CDH10: variants seen among roughly 807,000 people sequenced by gnomAD.
CDH10 encodes cadherin-10.
In CDH10, 30 loss-of-function variants were observed where a neutral mutation model predicts 73.1. The observed-to-expected ratio is 0.41, with a 90% confidence interval of 0.31 to 0.56. CDH10 has a LOEUF of 0.56. Among genes scored for constraint, CDH10 ranks in the 20% least tolerant of loss-of-function variants. The pLI is 0.27. For missense variants in CDH10, 815 were observed against 973.7 expected, an observed-to-expected ratio of 0.84 and a Z score of 2.17; for synonymous variants, 345 against 348.2, an observed-to-expected ratio of 0.99 and a Z score of 0.10.
rs2111763196 is a variant in CDH10, at chr5:24,511,323, G to C, written c.1002+4C>G. The C allele has an allele frequency of 2.5e-6, 4 of 1,586,908 alleles. No individual in the cohort carries two copies. Among genetic ancestry groups the C allele is most frequent in the Non-Finnish European group, 3.5e-6 (4 of 1,156,420 alleles). ...AGATGCTTATTTATATGGATGCTGT[G>C]CACCTTTTTCACAGTGATGATGCCT... is the stretch of plus-strand genomic sequence containing the variant. On this transcript the variant is annotated splice_donor_region_variant and intron_variant, in intron 6 of 11. Coordinates refer to ENST00000264463, the MANE Select transcript of CDH10 (RefSeq NM_006727.5).
intron 1 of CDH10, among the ~76,000 whole-genome samples, chr5:24,617,592 G>A (rs1410400327): frequency 1.3e-5 from 2 of 152,136 alleles, no homozygotes; most frequent in South Asian, 4.1e-4. Flanking sequence ...TTTTTAAAAA[G>A]CTCTAAGAAA....
At position 24,565,966 on chromosome 5, in the gene CDH10, C is replaced by T. The variant is rs186408050; in HGVS notation, c.231+27294G>A. ...CTCAATCTATGGGATTTTGTTATGG[C>T]AGCCCAAGCAGACTAATACAAAGTA... On this transcript the variant is annotated intron_variant, in intron 2 of 11. Transcript: ENST00000264463. Among the ~76,000 whole-genome samples the T allele has an allele frequency of 2.6e-5, 4 of 152,252 alleles. No homozygotes were observed. The East Asian group carries it at 7.7e-4, about 29-fold the overall frequency.
At chr5:24,581,668 C>T (rs745995092) in intron 2 of CDH10, among the ~76,000 whole-genome samples, 3 of 152,084 alleles carry the variant, frequency 2.0e-5, no homozygotes, top group Non-Finnish European at 4.4e-5. Flanking sequence ...AAACAATAGA[C>T]ATCCTGAAGA....
At chr5:24,578,246 TG>T in intron 2 of CDH10, 1 of 193,018 alleles carries the variant, frequency 5.2e-6, no homozygotes. Context: ...TTGCCTAAGT[TG>T]GGTAACATGG....
At chr5:24,502,427 C>T (rs1028585957) in intron 8 of CDH10, among the ~76,000 whole-genome samples, 11 of 152,056 alleles carry the variant, frequency 7.2e-5, no homozygotes, top group African/African-American at 2.2e-4. Context: ...CTGCTCAGGG[C>T]GTGATGTATG....
At chr5:24,620,823 A>C (rs1249793761) in intron 1 of CDH10, among the ~76,000 whole-genome samples, 2 of 152,160 alleles carry the variant, frequency 1.3e-5, no homozygotes, top group Non-Finnish European at 2.9e-5. Flanking sequence ...TTGACAGAAG[A>C]GGCACAAACA....
At chr5:24,610,380 A>G (rs926784576) in intron 1 of CDH10, among the ~76,000 whole-genome samples, 1 of 152,206 alleles carries the variant, frequency 6.6e-6, no homozygotes, top group African/African-American at 2.4e-5. Context: ...GAGTACATTT[A>G]AAAATTGTAT....
chr5:24,497,568 C>A lies in CDH10; in HGVS notation c.1515+830G>T, dbSNP rs969841839. On this transcript the variant is annotated intron_variant, in intron 9 of 11. Coordinates refer to ENST00000264463, the MANE Select transcript of CDH10 (RefSeq NM_006727.5). ...TCAAAAGGAAGAATTTGAATTATTC[C>A]ACAATATAATTTGCATAAAAATGTA... is the stretch of plus-strand genomic sequence containing the variant. 2.6e-5 allele frequency among the ~76,000 whole-genome samples: 4 copies of A among 152,124 alleles called. No individual in the cohort carries two copies. The South Asian group carries it at 8.3e-4, about 32-fold the overall frequency.
At chr5:24,632,421 A>G (rs1427918632) in intron 1 of CDH10, among the ~76,000 whole-genome samples, 1 of 152,098 alleles carries the variant, frequency 6.6e-6, no homozygotes, top group African/African-American at 2.4e-5. Flanking sequence ...AGTGTGCAGC[A>G]CTGCTGAGAA....
chr5:24,575,352 C>CAAAAAAAAAAAAAAAAAAAAAA (rs1388761427), intron 2 of CDH10, among the ~76,000 whole-genome samples: 1 of 47,198 alleles, frequency 2.1e-5, no homozygotes, highest in Non-Finnish European at 3.9e-5. Flanking sequence ...ACAACAAAAA[C>CAAAAAAAAAAAAAAAAAAAAAA]AACAAAAAAA....
intron 1 of CDH10, among the ~76,000 whole-genome samples, chr5:24,627,865 G>A (rs1315552222): frequency 2.0e-5 from 3 of 151,822 alleles, no homozygotes; most frequent in South Asian, 2.1e-4. Flanking sequence ...CAGCACACAC[G>A]CACGCCACAC....
At chr5:24,591,261 A>G (rs1001659799) in intron 2 of CDH10, among the ~76,000 whole-genome samples, 2 of 152,016 alleles carry the variant, frequency 1.3e-5, no homozygotes, top group African/African-American at 2.4e-5. Flanking sequence ...CATCTATTTC[A>G]CAGATTATGA....
chr5:24,585,854 A>G (rs950311099), intron 2 of CDH10, among the ~76,000 whole-genome samples: 4 of 152,204 alleles, frequency 2.6e-5, no homozygotes, highest in African/African-American at 9.6e-5. Context: ...GCGGAAGCCT[A>G]GTCCTCTCAT....
At chr5:24,550,496 T>A (rs897907034) in intron 2 of CDH10, among the ~76,000 whole-genome samples, 2 of 152,216 alleles carry the variant, frequency 1.3e-5, no homozygotes, top group African/African-American at 4.8e-5. Flanking sequence ...TCCAAATTTA[T>A]ATCAGATATT....
intron 1 of CDH10, among the ~76,000 whole-genome samples, chr5:24,626,700 G>A (rs537572638): frequency 1.6e-4 from 25 of 151,632 alleles, no homozygotes; most frequent in African/African-American, 5.8e-4. Context: ...CTTAAATCTG[G>A]GAAGCAGAGG....
chr5:24,593,794 T>C (rs966675923), intron 1 of CDH10, among the ~76,000 whole-genome samples, 181 bp from the exon 2 acceptor site: 5 of 151,962 alleles, frequency 3.3e-5, no homozygotes, highest in Non-Finnish European at 4.4e-5. Context: ...GTCTACAATG[T>C]ACAAAAATAT....
intron 2 of CDH10, among the ~76,000 whole-genome samples, chr5:24,569,246 G>A (rs1745278073): frequency 6.6e-6 from 1 of 152,138 alleles, no homozygotes; most frequent in Admixed American, 6.6e-5. Flanking sequence ...TACTATGGGT[G>A]AGGGAGATAA....
chr5:24,610,393 A>C (rs377436980), intron 1 of CDH10, among the ~76,000 whole-genome samples: 9 of 152,228 alleles, frequency 5.9e-5, no homozygotes, highest in African/African-American at 1.9e-4. Flanking sequence ...AATTGTATTG[A>C]CTAGGATTAT....
At chr5:24,563,885 T>C (rs886777082) in intron 2 of CDH10, among the ~76,000 whole-genome samples, 2 of 152,164 alleles carry the variant, frequency 1.3e-5, no homozygotes, top group African/African-American at 4.8e-5. Context: ...GAATAATGGT[T>C]TTCTATCTTC....
Sources: allele counts gnomAD v4.1 joint callset (sites outside exome capture counted in the v4.1 genomes callset), GRCh38; gene constraint gnomAD v4.1.1; transcripts MANE v1.5; gene names NCBI Gene and HGNC (gene_info 2026-07-23, HGNC 2026-07-21).